Variants in TCERG1L observed in about 807,000 individuals in gnomAD.
The protein encoded by TCERG1L is transcription elongation regulator 1-like protein.
In TCERG1L, 37 loss-of-function variants were observed where a neutral mutation model predicts 56.3. The ratio of observed to expected loss-of-function variants is 0.66; its 90% confidence interval spans 0.51 to 0.87. TCERG1L has a LOEUF of 0.87. Ranked by LOEUF, TCERG1L falls within the 40% of genes least tolerant of loss-of-function variation. The probability of loss-of-function intolerance (pLI) is 0.00; values close to 1 mark genes in which losing one functional copy is unlikely to be tolerated. For synonymous variants in TCERG1L, 324 were observed against 326.3 expected (o/e 0.99, Z 0.08); for missense variants, 799 against 774.2 (o/e 1.03, Z -0.38).
At chr10:131,171,631 T>G (rs948324611) in intron 4 of TCERG1L, among the ~76,000 whole-genome samples, 15 of 152,274 alleles carry the variant, frequency 9.9e-5, no homozygotes, top group African/African-American at 3.6e-4. Flanking sequence ...CAGGCTGGAG[T>G]GGGTTCACTG....
intron 11 of TCERG1L, chr10:131,095,550 G>A (rs925324112): frequency 3.3e-5 from 5 of 152,154 alleles, no homozygotes; most frequent in African/African-American, 1.2e-4. Context: ...TGTTTCACTA[G>A]GATGCCTACA....
chr10:131,292,920 G>A (rs532181095), intron 3 of TCERG1L, among the ~76,000 whole-genome samples: 7 of 150,718 alleles, frequency 4.6e-5, no homozygotes, highest in South Asian at 2.1e-4. Flanking sequence ...GTGCGATCTC[G>A]GCTCACTGCA....
chr10:131,199,978 C>T (rs79521190), intron 4 of TCERG1L, among the ~76,000 whole-genome samples: 10,617 of 152,230 alleles, frequency 0.07, 535 homozygotes, highest in East Asian at 0.22. Flanking sequence ...CCCTTTAGGT[C>T]AACATTCCTC....
At position 131,276,837 on chromosome 10, in the gene TCERG1L, C is replaced by G. The variant is rs148429449; in HGVS notation, c.671-16393G>C. On this transcript the variant is annotated intron_variant, in intron 3 of 11. Coordinates refer to ENST00000368642, the MANE Select transcript of TCERG1L (RefSeq NM_174937.4). ...TGGATCGCGGATAAATGTGTCCACA[C>G]TGATGACTTTATTCCTCAAAACCCA... 2.1e-3 allele frequency among the ~76,000 whole-genome samples: 314 copies of G among 152,330 alleles called. 3 individuals carry two copies. The highest frequency in any genetic ancestry group is 7.1e-3 in the African/African-American group (294 of 41,570).
intron 8 of TCERG1L, among the ~76,000 whole-genome samples, chr10:131,129,360 T>A (rs1290062620): frequency 6.6e-6 from 1 of 152,260 alleles, no homozygotes; most frequent in Non-Finnish European, 1.5e-5. Context: ...CTAGAATATT[T>A]ACAAGTAAGA....
At chr10:131,300,384 T>C (rs1846748068) in intron 3 of TCERG1L, among the ~76,000 whole-genome samples, 1 of 152,294 alleles carries the variant, frequency 6.6e-6, no homozygotes, top group East Asian at 1.9e-4. Flanking sequence ...GTTAAACCAT[T>C]TGATATTCTC....
chr10:131,300,269 T>C (rs1366587700), intron 3 of TCERG1L, among the ~76,000 whole-genome samples: 1 of 152,214 alleles, frequency 6.6e-6, no homozygotes, highest in Non-Finnish European at 1.5e-5. Context: ...CTTGGATTTA[T>C]AGTTTCATAA....
At position 131,169,406 on chromosome 10, in the gene TCERG1L, G is replaced by A. The variant is rs898305950; in HGVS notation, c.857-2521C>T. On this transcript the variant is annotated intron_variant, in intron 4 of 11. Transcript: ENST00000368642. ...GCACACAAAGGAAGCTGAGCCCACC[G>A]TTCCCCTGCCCTCACAGACCCAACG... Among the ~76,000 whole-genome samples the A allele has an allele frequency of 7.2e-5, 11 of 152,264 alleles. 1 individual carries two copies. The East Asian group carries it at 2.1e-3, about 29-fold the overall frequency.
rs1845311822 is a variant in TCERG1L at position 131,192,154 on chromosome 10, T to C, written c.857-25269A>G. 1.4e-5 allele frequency among the ~76,000 whole-genome samples: 2 copies of C among 143,144 alleles called. 1 individual carries two copies. The highest frequency in any genetic ancestry group is 5.3e-5 in the African/African-American group (2 of 37,990). 93.9% of individuals were successfully genotyped at this position (143,144 alleles called of 152,430 possible). A position where few individuals can be genotyped will look rare whatever the true frequency, so the allele number is the denominator to read the frequency against. On this transcript the variant is annotated intron_variant, in intron 4 of 11. Coordinates refer to ENST00000368642, the MANE Select transcript of TCERG1L (RefSeq NM_174937.4). ...TCCAACAAAGGACTAGTATCCAGAA[T>C]CTATGAGGAACTCAAACCACCAAGG...
At chr10:131,184,639 CG>C (rs1845217143) in intron 4 of TCERG1L, among the ~76,000 whole-genome samples, 1 of 152,204 alleles carries the variant, frequency 6.6e-6, no homozygotes, top group Non-Finnish European at 1.5e-5. Context: ...GTGTACACAT[CG>C]GTCACGATGG....
Position 131,266,237 on chromosome 10 carries a change from C to A in TCERG1L, c.671-5793G>T, listed in dbSNP as rs563713737. Among the ~76,000 whole-genome samples the A allele has an allele frequency of 3.9e-5, 6 of 152,366 alleles. No homozygotes were observed. The South Asian group carries it at 8.3e-4, about 21-fold the overall frequency. On this transcript the variant is annotated intron_variant, in intron 3 of 11. Coordinates refer to ENST00000368642, the MANE Select transcript of TCERG1L (RefSeq NM_174937.4). ...TCCACTTCCACTTCTAGTTCTCTTG[C>A]TGTTTCCACCACATCAGCAGTTACT... is the stretch of plus-strand genomic sequence containing the variant.
At chr10:131,124,570 A>AT (rs1465678941) in intron 8 of TCERG1L, among the ~76,000 whole-genome samples, 1 of 152,164 alleles carries the variant, frequency 6.6e-6, no homozygotes. Flanking sequence ...TACGGTTTTG[A>AT]TATTTTCAGC....
At chr10:131,215,967 G>A (rs2133493090) in intron 4 of TCERG1L, among the ~76,000 whole-genome samples, 1 of 152,302 alleles carries the variant, frequency 6.6e-6, no homozygotes, top group Non-Finnish European at 1.5e-5. Context: ...GCACTGTGGG[G>A]CGGCCACAGC....
chr10:131,270,988 A>G (rs549808828), intron 3 of TCERG1L, among the ~76,000 whole-genome samples: 184 of 152,266 alleles, frequency 1.2e-3, no homozygotes, highest in Admixed American at 2.2e-3. Context: ...CCTGGGCCTC[A>G]CTAGGTCCCA....
At chr10:131,112,025 G>C (rs1316946352) in intron 9 of TCERG1L, among the ~76,000 whole-genome samples, 2 of 142,688 alleles carry the variant, frequency 1.4e-5, no homozygotes, top group Non-Finnish European at 3.2e-5. Flanking sequence ...CCTCTCTCCT[G>C]TTTCTTTCTG....
chr10:131,283,529 A>G (rs1371137580), intron 3 of TCERG1L, among the ~76,000 whole-genome samples: 1 of 152,232 alleles, frequency 6.6e-6, no homozygotes, highest in African/African-American at 2.4e-5. Context: ...CCATACAGAG[A>G]GCCAAAAATA....
chr10:131,238,119 C>T (rs1564822812), intron 4 of TCERG1L, among the ~76,000 whole-genome samples: 1 of 152,172 alleles, frequency 6.6e-6, no homozygotes, highest in Non-Finnish European at 1.5e-5. Context: ...GGCCTCTCCA[C>T]CTGCTAGACC....
chr10:131,215,868 A>G (rs554464033), intron 4 of TCERG1L, among the ~76,000 whole-genome samples: 10 of 152,296 alleles, frequency 6.6e-5, no homozygotes, highest in African/African-American at 2.4e-4. Flanking sequence ...ATAACCAAGA[A>G]AAAGAGTGAG....
chr10:131,265,573 A>G (rs1221530493), intron 3 of TCERG1L, among the ~76,000 whole-genome samples: 1 of 152,276 alleles, frequency 6.6e-6, no homozygotes, highest in African/African-American at 2.4e-5. Flanking sequence ...ACGTGGGTTC[A>G]GTACCAGACC....
Sources: allele counts gnomAD v4.1 joint callset (sites outside exome capture counted in the v4.1 genomes callset), GRCh38; gene constraint gnomAD v4.1.1; transcripts MANE v1.5; gene names NCBI Gene and HGNC (gene_info 2026-07-23, HGNC 2026-07-21).